The following ZNF33A variants were observed in gnomAD, a reference collection of about 807,000 sequenced individuals.
ZNF33A encodes the protein brain my041 protein.
Under a neutral mutation model 15.9 loss-of-function variants are expected in ZNF33A, and 9 were observed. The ratio of observed to expected loss-of-function variants is 0.57; its 90% confidence interval spans 0.34 to 0.99. ZNF33A has a LOEUF of 0.99. Ranked by LOEUF, ZNF33A falls within the 50% of genes least tolerant of loss-of-function variation. The probability of loss-of-function intolerance (pLI) is 0.02; values close to 1 mark genes in which losing one functional copy is unlikely to be tolerated. For missense variants in ZNF33A, 843 were observed against 941.6 expected, an observed-to-expected ratio of 0.90 and a Z score of 1.37; for synonymous variants, 294 against 324.2, an observed-to-expected ratio of 0.91 and a Z score of 1.00.
chr10:38,012,161 G>C, intron 1 of ZNF33A, 137 bp from the exon 2 acceptor site: 1 of 719,982 alleles, frequency 1.4e-6, no homozygotes, highest in Non-Finnish European at 2.3e-6. Context: ...CTATTCCAAA[G>C]TGTCAGAGGA....
chr10:38,016,404 T>G (rs1460013659), intron 2 of ZNF33A, among the ~76,000 whole-genome samples: 1 of 152,202 alleles, frequency 6.6e-6, no homozygotes, highest in Non-Finnish European at 1.5e-5. Flanking sequence ...TGTTGATGTC[T>G]GCAGTGTGTT....
At chr10:38,014,155 G>C (rs1232935595) in intron 2 of ZNF33A, among the ~76,000 whole-genome samples, 1 of 142,016 alleles carries the variant, frequency 7.0e-6, no homozygotes, top group Admixed American at 7.6e-5. Flanking sequence ...GATTCTCCTG[G>C]CTAAGTCTCC....
At chr10:38,024,768 GA>G (rs1368310538) in intron 4 of ZNF33A, among the ~76,000 whole-genome samples, 1 of 152,222 alleles carries the variant, frequency 6.6e-6, no homozygotes, top group Non-Finnish European at 1.5e-5. Flanking sequence ...GGAAACTTCA[GA>G]AATAAATAAT....
chr10:38,065,452 C>T (rs867485479), downstream of ZNF33A, among the ~76,000 whole-genome samples: 31 of 152,290 alleles, frequency 2.0e-4, no homozygotes, highest in Middle Eastern at 6.8e-3. Flanking sequence ...AAAAGACAAG[C>T]GATACCTGTT....
chr10:38,031,919 C>T (rs1488722316), intron 4 of ZNF33A, among the ~76,000 whole-genome samples: 1 of 151,998 alleles, frequency 6.6e-6, no homozygotes, highest in South Asian at 2.1e-4. Context: ...GCTGAGATGG[C>T]GCCACTGCAC....
At chr10:38,028,290 A>T (rs1229322895) in intron 4 of ZNF33A, among the ~76,000 whole-genome samples, 1 of 151,956 alleles carries the variant, frequency 6.6e-6, no homozygotes, top group East Asian at 1.9e-4. Flanking sequence ...AAATAAAATA[A>T]AATAAAATAA....
chr10:38,032,388 G>A (rs556143680), intron 4 of ZNF33A, among the ~76,000 whole-genome samples: 12 of 152,206 alleles, frequency 7.9e-5, no homozygotes, highest in African/African-American at 2.6e-4. Context: ...CCAATTTTAC[G>A]TGTATAAATC....
chr10:38,067,289 C>A (rs1369781655), downstream of ZNF33A, among the ~76,000 whole-genome samples: 4 of 152,126 alleles, frequency 2.6e-5, no homozygotes, highest in Non-Finnish European at 4.4e-5. Context: ...CTGCTTAGCC[C>A]AGCTTGTCTT....
chr10:38,028,572 A>T (rs2065082409), intron 4 of ZNF33A, among the ~76,000 whole-genome samples: 1 of 151,402 alleles, frequency 6.6e-6, no homozygotes, highest in African/African-American at 2.4e-5. Flanking sequence ...GGTTCAAGTG[A>T]TTCTCATGCC....
downstream of ZNF33A, chr10:38,064,232 C>T: frequency 7.7e-6 from 7 of 914,322 alleles, no homozygotes; most frequent in Admixed American, 4.3e-5. Context: ...ATGGTGGTCA[C>T]ATCTCCAACA....
intron 2 of ZNF33A, chr10:38,016,123 C>G (rs1332350548): frequency 4.0e-6 from 3 of 747,338 alleles, no homozygotes; most frequent in Non-Finnish European, 5.5e-6. Context: ...AGGATTAGAA[C>G]CCAGAATATG....
chr10:38,052,655 C>T (rs1417161794), intron 4 of ZNF33A, among the ~76,000 whole-genome samples: 1 of 152,028 alleles, frequency 6.6e-6, no homozygotes, highest in Non-Finnish European at 1.5e-5. Context: ...AGTTACTCTA[C>T]TTCTAGAGTA....
chr10:38,024,366 G>A (rs2064893683), intron 4 of ZNF33A, among the ~76,000 whole-genome samples: 1 of 152,028 alleles, frequency 6.6e-6, no homozygotes, highest in East Asian at 1.9e-4. Flanking sequence ...AATATGTATA[G>A]GACTTTTGTG....
chr10:38,042,610 G>C (rs2065759647), intron 4 of ZNF33A, among the ~76,000 whole-genome samples: 1 of 151,394 alleles, frequency 6.6e-6, no homozygotes, highest in Admixed American at 6.6e-5. Context: ...GAGTGCCGTG[G>C]TAGGATCCCA....
At chr10:38,043,450 A>G (rs940088361) in intron 4 of ZNF33A, among the ~76,000 whole-genome samples, 3 of 151,962 alleles carry the variant, frequency 2.0e-5, no homozygotes, top group Non-Finnish European at 4.4e-5. Flanking sequence ...ATACATATAT[A>G]ACAAACCTGC....
At position 38,059,434 on chromosome 10, in the gene ZNF33A, T is replaced by A. The variant is rs2066612250; in HGVS notation, c.*2874T>A. 6.6e-6 allele frequency: 1 copy of A among 152,154 alleles called. No individual in the cohort carries two copies. 9.4% of individuals were successfully genotyped at this position (152,154 alleles called of 1,614,324 possible). ...AATACAACTTTGTTCACAAGTAACATGATTGTCTTTGTAGAGAATTCTAAA... is the reference window on the plus strand; with the variant it reads ...AATACAACTTTGTTCACAAGTAACAAGATTGTCTTTGTAGAGAATTCTAAA... On this transcript the variant is annotated 3_prime_UTR_variant, in exon 5 of 5. Coordinates refer to ENST00000432900, the MANE Select transcript of ZNF33A (RefSeq NM_006954.2).
downstream of ZNF33A, among the ~76,000 whole-genome samples, chr10:38,061,758 C>T (rs1249960832): frequency 6.6e-6 from 1 of 152,024 alleles, no homozygotes; most frequent in Admixed American, 6.6e-5. Context: ...GTCAGGAGTT[C>T]AAGACTAGCC....
chr10:38,019,731 A>G (rs2064652639), intron 4 of ZNF33A, among the ~76,000 whole-genome samples: 1 of 152,242 alleles, frequency 6.6e-6, no homozygotes, highest in South Asian at 2.1e-4. Flanking sequence ...AAAATTGGCT[A>G]GAAGTTCTCT....
chr10:38,022,372 A>G (rs1023585566), intron 4 of ZNF33A, among the ~76,000 whole-genome samples: 1 of 152,134 alleles, frequency 6.6e-6, no homozygotes, highest in Non-Finnish European at 1.5e-5. Context: ...ATATGACAAC[A>G]TAGGCCAGGT....
Sources: allele counts gnomAD v4.1 joint callset (sites outside exome capture counted in the v4.1 genomes callset), GRCh38; gene constraint gnomAD v4.1.1; transcripts MANE v1.5; gene names NCBI Gene and HGNC (gene_info 2026-07-23, HGNC 2026-07-21).